Variants in PER3 observed in about 807,000 individuals in gnomAD.
The protein encoded by PER3 is period circadian protein homolog 3.
Under a neutral mutation model 127.2 loss-of-function variants are expected in PER3, and 107 were observed. That is an observed-to-expected ratio of 0.84 (90% CI 0.72 to 0.99). The LOEUF is 0.99. PER3 is among the 50% of genes least tolerant of loss of function. The pLI, the probability that PER3 is intolerant of heterozygous loss-of-function variation, is 0.00. For missense variants in PER3, 1,560 were observed against 1,525.8 expected (o/e 1.02, Z -0.37); for synonymous variants, 618 against 585.8 (o/e 1.05, Z -0.79).
Position 7,827,433 on chromosome 1 carries a change from T to C in PER3, c.2504T>C (p.Leu835Pro), listed in dbSNP as rs228696. 0.96 allele frequency: 1,551,709 copies of C among 1,614,184 alleles called. 745,953 individuals are homozygous for C. Among genetic ancestry groups the C allele is most frequent in the East Asian group, 1 (44,871 of 44,880 alleles). The change falls in exon 18 of 22, where the codon CTG becomes CCG. Residue 835 changes from leucine (L) to proline (P), a missense_variant. Leu to Pro is a moderately conservative substitution (Grantham distance 98). Transcript: ENST00000377532. The part of the protein sequence containing the change: ...PGTAPEGLHG[L>P]PLSEGLQPYP... The stretch of plus-strand genomic sequence containing the variant: ...ACTGCACCGGAAGGCCTGCATGGGC[T>C]GCCCTTGTCCGAGGGCTTGCAGCCT...
At chr1:7,794,385 C>T (rs931074988) in intron 6 of PER3, among the ~76,000 whole-genome samples, 2 of 151,940 alleles carry the variant, frequency 1.3e-5, no homozygotes, top group Non-Finnish European at 2.9e-5. Context: ...CCCAGCTACT[C>T]GGGAGGCTGA....
At chr1:7,787,216 C>A in intron 4 of PER3, 1 of 891,726 alleles carries the variant, frequency 1.1e-6, no homozygotes, top group Non-Finnish European at 1.4e-6. Context: ...CCTACTACTT[C>A]AAGTTGTAAC....
Position 7,809,945 on chromosome 1 carries a change from C to G in PER3, c.1295C>G (p.Ser432Trp). The G allele has an allele frequency of 6.2e-7, 1 of 1,613,974 alleles. No homozygotes were observed. The change falls in exon 12 of 22, where the codon TCG becomes TGG. Residue 432 changes from serine (S) to tryptophan (W), a missense_variant. Ser to Trp is a radical substitution (Grantham distance 177). This residue lies in a region of PER3 where 1,332 missense variants were observed against 1,223.6 expected (regional missense o/e 1.09). Coordinates refer to ENST00000377532, the MANE Select transcript of PER3 (RefSeq NM_001377275.1). ...TACGGGAGCCTGGGGAGCAGCGGGT[C>G]GCAGGAGCAGCTTGTCAGCATCGCC... ...SGYGSLGSSGSQEQLVSIASS... is the reference protein window; with the variant it reads ...SGYGSLGSSGWQEQLVSIASS...
chr1:7,785,722 C>T (rs930077896), intron 3 of PER3, 136 bp downstream of exon 3: 2 of 683,122 alleles, frequency 2.9e-6, no homozygotes, highest in Middle Eastern at 7.9e-4. Flanking sequence ...ATGAGCAAAT[C>T]TACACCGATT....
chr1:7,811,027 A>G (rs2150869313), intron 13 of PER3, among the ~76,000 whole-genome samples: 1 of 152,318 alleles, frequency 6.6e-6, no homozygotes, highest in East Asian at 1.9e-4. Context: ...TTTTCTTGAC[A>G]TGTATTTACT....
rs2097402144 is a variant in PER3 at position 7,844,033 on chromosome 1, A to T, written c.*1278A>T. On this transcript the variant is annotated 3_prime_UTR_variant, in exon 22 of 22. Coordinates refer to ENST00000377532, the MANE Select transcript of PER3 (RefSeq NM_001377275.1). Reference sequence around the variant, plus strand: ...TATATAACTTGCAACAAACTAATTTATTTTTTTTTCCTTTTTTTGTTTTTG... The same window carrying T: ...TATATAACTTGCAACAAACTAATTTTTTTTTTTTTCCTTTTTTTGTTTTTG... 9.6e-6 allele frequency: 10 copies of T among 1,040,932 alleles called. No individual in the cohort carries two copies. In the South Asian group the frequency reaches 1.1e-4, roughly 11 times the overall value. The allele number at this position is 1,040,932 out of a possible 1,614,324, so 64.5% of individuals were successfully genotyped here. A position where few individuals can be genotyped will look rare whatever the true frequency, so the allele number is the denominator to read the frequency against.
At chr1:7,787,575 G>C (rs950462164) in intron 4 of PER3, 1 of 342,742 alleles carries the variant, frequency 2.9e-6, no homozygotes, top group Non-Finnish European at 5.7e-6. Flanking sequence ...GCCAATGCTA[G>C]CAAACACAAA....
intron 13 of PER3, among the ~76,000 whole-genome samples, chr1:7,811,951 T>C (rs1405742720): frequency 6.6e-6 from 1 of 152,236 alleles, no homozygotes; most frequent in Non-Finnish European, 1.5e-5. Context: ...CTTTTTTTAT[T>C]GTCCCTTGAA....
Position 7,819,421 on chromosome 1 carries a change from G to A in PER3, c.1658+1G>A, listed in dbSNP as rs771451809. On this transcript the variant is annotated splice_donor_variant, in intron 14 of 21. Transcript: ENST00000377532. LOFTEE classifies it high-confidence loss of function. ...TCAACTGTATCGACAGTGTCATCAG[G>A]TATGAGACCGCAAGTTTGGATACCA... 3 of 1,613,552 alleles carry A rather than the reference G, an allele frequency of 1.9e-6. No individual in the cohort carries two copies. Among genetic ancestry groups the A allele is most frequent in the Non-Finnish European group, 2.5e-6 (3 of 1,179,740 alleles).
intron 13 of PER3, among the ~76,000 whole-genome samples, chr1:7,818,040 T>C (rs1005132026): frequency 6.6e-6 from 1 of 152,142 alleles, no homozygotes; most frequent in African/African-American, 2.4e-5. Context: ...CCCAAATGCA[T>C]AACCTCAATC....
rs756738211 is a variant in PER3 at position 7,803,127 on chromosome 1, C to T, written c.953C>T (p.Ser318Phe). 4 of 1,610,522 alleles carry T rather than the reference C, an allele frequency of 2.5e-6. No individual in the cohort carries two copies. In the South Asian group the frequency reaches 3.3e-5, roughly 13 times the overall value. Residue 318 changes from serine (S) to phenylalanine (F), a missense_variant, in exon 9 of 22, where the codon TCT (serine) becomes TTT (phenylalanine). By Grantham distance (155) the Ser-to-Phe change is radical. Transcript: ENST00000377532. ...ILSYLHPEDR[S>F]LMVAIHQKVL... ...AGCTACCTGCACCCTGAAGATCGTT[C>T]TCTGATGGTTGCCATACACCAAAAA...
In PER3 at chr1:7,803,801, C is replaced by T. The variant is rs1365573198; in HGVS notation, c.1089C>T (p.Pro363=). The T allele has an allele frequency of 6.2e-7, 1 of 1,613,804 alleles. No homozygotes were observed. Among genetic ancestry groups the T allele is most frequent in the East Asian group, 2.2e-5 (1 of 44,882 alleles). Residue 363 remains proline (P), a synonymous_variant, in exon 10 of 22, where the codon CCC becomes CCT. Coordinates refer to ENST00000377532, the MANE Select transcript of PER3 (RefSeq NM_001377275.1). The part of the protein sequence containing the change: ...LDSSWSSFVN[P]WSRKISFIIG... ...CCAGTTGGTCCAGCTTTGTGAATCCCTGGAGCCGGAAGATTTCTTTCATCA... is the reference window on the plus strand; with the variant it reads ...CCAGTTGGTCCAGCTTTGTGAATCCTTGGAGCCGGAAGATTTCTTTCATCA...
chr1:7,806,941 C>G (rs566362677), intron 10 of PER3, among the ~76,000 whole-genome samples: 1 of 151,168 alleles, frequency 6.6e-6, no homozygotes, highest in South Asian at 2.1e-4. Context: ...CCATTTCACT[C>G]AAAAAACAAA....
rs780087673 is a variant in PER3 at position 7,808,878 on chromosome 1, C to G, written c.1137-15C>G. 3 of 1,335,446 alleles carry G rather than the reference C, an allele frequency of 2.2e-6. No homozygotes were observed. In the African/African-American group the frequency reaches 4.3e-5, roughly 19 times the overall value. The allele number at this position is 1,335,446 out of a possible 1,614,324, so 82.7% of individuals were successfully genotyped here. On this transcript the variant is annotated splice_polypyrimidine_tract_variant and intron_variant, in intron 10 of 21. Transcript: ENST00000377532. The stretch of plus-strand genomic sequence containing the variant: ...TTAAATTGTTTGACTCAGTCTCTCA[C>G]TGGGCATTTTCTAGGAGCCCACTAA...
At chr1:7,808,364 A>G (rs1026114803) in intron 10 of PER3, among the ~76,000 whole-genome samples, 1 of 151,918 alleles carries the variant, frequency 6.6e-6, no homozygotes, top group Admixed American at 6.6e-5. Flanking sequence ...CACTGTATTC[A>G]GGTCATAGAT....
At chr1:7,792,859 T>C (rs875994) in intron 5 of PER3, among the ~76,000 whole-genome samples, 20,168 of 152,248 alleles carry the variant, frequency 0.13, 1,602 homozygotes, top group Admixed American at 0.18. Flanking sequence ...ACGTCTGCTG[T>C]CTTAGATCAC....
At chr1:7,789,980 G>A (rs868207964) in intron 5 of PER3, among the ~76,000 whole-genome samples, 8 of 151,940 alleles carry the variant, frequency 5.3e-5, no homozygotes, top group African/African-American at 1.7e-4. Flanking sequence ...TGTTCATTCC[G>A]TAAACATTTA....
rs1295504175 is a variant in PER3 at position 7,827,340 on chromosome 1, C to CT, written c.2413dup (p.Tyr805LeufsTer58). 2 of 1,614,054 alleles carry CT rather than the reference C, an allele frequency of 1.2e-6. No homozygotes were observed. Among genetic ancestry groups the CT allele is most frequent in the South Asian group, 1.1e-5 (1 of 91,074 alleles). On this transcript the variant is annotated frameshift_variant, in exon 18 of 22. Coordinates refer to ENST00000377532, the MANE Select transcript of PER3 (RefSeq NM_001377275.1). LOFTEE classifies it high-confidence loss of function. ...GCCGCCATGGTGCCCAGCCAGGCCC[C>CT]TTACCTCGTCCCAGCTTTTCCCCTC...
intron 13 of PER3, among the ~76,000 whole-genome samples, chr1:7,818,414 T>A (rs2097261102): frequency 1.3e-5 from 2 of 152,236 alleles, no homozygotes; most frequent in South Asian, 4.1e-4. Context: ...CCAAGCCAGC[T>A]AAAAATGACC....
Sources: gnomAD v4.1 joint callset for allele counts (sites outside exome capture counted in the v4.1 genomes callset) on GRCh38, gnomAD v4.1.1 for gene constraint, gnomAD v4.1.1 regional missense constraint, MANE v1.5 for transcripts, NCBI Gene and HGNC (gene_info 2026-07-23, HGNC 2026-07-21) for gene names.